RIF1: variants seen among roughly 807,000 people sequenced by gnomAD.
The protein encoded by RIF1 is telomere-associated protein RIF1.
Under a neutral mutation model 247.1 loss-of-function variants are expected in RIF1, and 45 were observed. The ratio of observed to expected loss-of-function variants is 0.18; its 90% CI spans 0.14 to 0.23. The LOEUF is 0.23. Ranked by LOEUF, RIF1 falls within the 10% of genes least tolerant of loss-of-function variation. The pLI is 1.00. For missense variants in RIF1, 2,967 were observed against 2,862.5 expected (o/e 1.04, Z -0.83); for synonymous variants, 1,087 against 978.8 (o/e 1.11, Z -2.06).
intron 4 of RIF1, 128 bp downstream of exon 4, chr2:151,415,047 C>T (rs1000460463): frequency 3.3e-5 from 21 of 629,414 alleles, no homozygotes; most frequent in Non-Finnish European, 5.1e-5. Flanking sequence ...TTAAGGTTTG[C>T]TTTTAAGAAA....
At position 151,475,292 on chromosome 2, in the gene RIF1, C is replaced by T. The variant is rs771563374; in HGVS notation, c.*221C>T. The T allele has an allele frequency of 1.1e-5, 5 of 472,552 alleles. No homozygotes were observed. The highest frequency in any genetic ancestry group is 4.0e-5 in the African/African-American group (2 of 49,508). 29.3% of individuals were successfully genotyped at this position (472,552 alleles called of 1,614,324 possible). A position where few individuals can be genotyped will look rare whatever the true frequency, so the allele number is the denominator to read the frequency against. ...ATAATATGTATTCTTGGCTGCTATG[C>T]GTGGTTTTTCAGGAAATTTAATTAT... is the stretch of plus-strand genomic sequence containing the variant. On this transcript the variant is annotated 3_prime_UTR_variant, in exon 36 of 36. Transcript: ENST00000444746.
chr2:151,506,315 C>A, exon 13 of RIF1: 1 of 1,333,434 alleles, frequency 7.5e-7, no homozygotes, highest in South Asian at 1.3e-5. Context: ...CCCAGCAGTT[C>A]CTGGAGAAAG....
intron 10 of RIF1, chr2:151,498,067 T>G: frequency 2.1e-6 from 3 of 1,457,368 alleles, no homozygotes; most frequent in Non-Finnish European, 2.7e-6. Context: ...AAAACATGTT[T>G]GTTTGTAAAT....
At chr2:151,433,840 G>T (rs181679419) in intron 10 of RIF1, among the ~76,000 whole-genome samples, 1 of 152,122 alleles carries the variant, frequency 6.6e-6, no homozygotes, top group Admixed American at 6.6e-5. Flanking sequence ...TTCCCCTAGA[G>T]CATTTGGAAT....
the RIF1 span, chr2:151,525,044 A>G: frequency 1.3e-6 from 1 of 790,086 alleles, no homozygotes; most frequent in South Asian, 1.6e-5. Flanking sequence ...TCTCGCCACT[A>G]ACTTTTTGAA....
chr2:151,465,857 G>A lies in RIF1; in HGVS notation c.6337G>A (p.Asp2113Asn), dbSNP rs1462432594. The change falls in exon 30 of 36, where the codon GAT (aspartate) becomes AAT (asparagine). Residue 2113 changes from aspartate to asparagine, a missense_variant. By Grantham distance (23) the Asp-to-Asn change is conservative. Coordinates refer to ENST00000444746, the MANE Select transcript of RIF1 (RefSeq NM_018151.5). ...AATGGAAAGTGATATTTTACAGGAA[G>A]ATCACCATACTTCACAGAAAGTGGA... The part of the protein sequence containing the change: ...MVMESDILQE[D>N]HHTSQKVEEP... 2 of 1,612,848 alleles carry A rather than the reference G, an allele frequency of 1.2e-6. No homozygotes were observed. The highest frequency in any genetic ancestry group is 1.7e-6 in the Non-Finnish European group (2 of 1,178,820).
rs1687298100 is a variant in RIF1, at chr2:151,416,862, C to G, written c.464C>G (p.Ser155Cys). The stretch of plus-strand genomic sequence containing the variant: ...CTGTTTAACAAAGGAGAGACGCATT[C>G]TGCTGTTGTTGATTTTGAAGCATTA... ...EILFNKGETH[S>C]AVVDFEALNV... is the part of the protein sequence containing the mutation. The change falls in exon 6 of 36, where the codon TCT becomes TGT. Residue 155 changes from serine to cysteine, a missense_variant. This residue lies in a region of RIF1 where 269 missense variants were observed against 288.6 expected (regional missense o/e 0.93). Transcript: ENST00000444746. The G allele has an allele frequency of 6.2e-7, 1 of 1,612,642 alleles. No individual in the cohort carries two copies. The highest frequency in any genetic ancestry group is 1.1e-5 in the South Asian group (1 of 90,882).
chr2:151,495,666 G>GAAC (rs35696429), intron 10 of RIF1, among the ~76,000 whole-genome samples: 5,981 of 150,500 alleles, frequency 0.04, 159 homozygotes, highest in Non-Finnish European at 0.062. Flanking sequence ...TAAAACTAAA[G>GAAC]AACAACAACA....
Position 151,442,767 on chromosome 2 carries a change from ATTT to A in RIF1, c.1735-470_1735-468del, listed in dbSNP as rs59128582. Among the ~76,000 whole-genome samples, 201 of 104,024 alleles carry A rather than the reference ATTT, an allele frequency of 1.9e-3. 3 individuals are homozygous for A. The highest frequency in any genetic ancestry group is 0.012 in the Middle Eastern group (2 of 162). The allele number at this position is 104,024 out of a possible 152,430, so 68.2% of individuals were successfully genotyped here. On this transcript the variant is annotated intron_variant, in intron 16 of 35. Transcript: ENST00000444746. ...CTATGATTAGACTATAAAGAGCTTGATTTTTTTTTTTTTTTTTTTTTTTTGAGA... is the reference window on the plus strand; with the variant it reads ...CTATGATTAGACTATAAAGAGCTTGATTTTTTTTTTTTTTTTTTTTTGAGA...
At chr2:151,517,458 G>T in the RIF1 span, among the ~76,000 whole-genome samples, 1 of 152,204 alleles carries the variant, frequency 6.6e-6, no homozygotes, top group East Asian at 1.9e-4. Context: ...TGCTGAATTT[G>T]TGATATAGGA....
chr2:151,418,968 C>CTTTT (rs36020810), intron 6 of RIF1, among the ~76,000 whole-genome samples: 1 of 111,772 alleles, frequency 8.9e-6, no homozygotes. Flanking sequence ...GCCTTAAATT[C>CTTTT]TTTTTTTTTT....
At chr2:151,519,652 A>G in the RIF1 span, 18 of 1,590,766 alleles carry the variant, frequency 1.1e-5, no homozygotes, top group Non-Finnish European at 1.6e-5. Context: ...AATTTTAGAA[A>G]CATACCTCAC....
Position 151,443,564 on chromosome 2 carries a change from T to C in RIF1, c.1841T>C (p.Val614Ala), listed in dbSNP as rs1381591276. The change falls in exon 18 of 36, where the codon GTT becomes GCT. Residue 614 changes from valine to alanine, a missense_variant. Transcript: ENST00000444746. ...FLSLESLVGC[V>A]LSGPTSPLAF... ...AGTTTGGAATCACTTGTAGGCTGTG[T>C]TCTTTCTGGTCCAACTTCACCACTA... is the stretch of plus-strand genomic sequence containing the variant. 7 of 1,607,970 alleles carry C rather than the reference T, an allele frequency of 4.4e-6. No individual in the cohort carries two copies. The African/African-American group carries it at 6.7e-5, about 15-fold the overall frequency.
rs781336109 is a variant in RIF1, at chr2:151,474,854, T to G, written c.7205-3T>G. ...TAATTGTGGTTTTTTTTTTCTCTTT[T>G]AGATATAATTGATCCTGTTGCTTTA... On this transcript the variant is annotated splice_region_variant and splice_polypyrimidine_tract_variant and intron_variant, in intron 35 of 35. Coordinates refer to ENST00000444746, the MANE Select transcript of RIF1 (RefSeq NM_018151.5). 1.6e-4 allele frequency: 234 copies of G among 1,467,784 alleles called. No individual in the cohort carries two copies. Among genetic ancestry groups the G allele is most frequent in the Non-Finnish European group, 2.2e-4 (230 of 1,054,640 alleles). 90.9% of individuals were successfully genotyped at this position (1,467,784 alleles called of 1,614,324 possible). A position where few individuals can be genotyped will look rare whatever the true frequency, so the allele number is the denominator to read the frequency against.
chr2:151,467,481 A>G (rs1363803179), intron 30 of RIF1, among the ~76,000 whole-genome samples: 1 of 151,990 alleles, frequency 6.6e-6, no homozygotes, highest in African/African-American at 2.4e-5. Context: ...AGTAGCTGGC[A>G]TTACAGGCAT....
chr2:151,437,252 C>A lies in RIF1; in HGVS notation c.1384C>A (p.His462Asn), dbSNP rs747048114. 6.2e-7 allele frequency: 1 copy of A among 1,610,006 alleles called. No homozygotes were observed. Among genetic ancestry groups the A allele is most frequent in the Non-Finnish European group, 8.5e-7 (1 of 1,176,330 alleles). ...TTCTTCCCTTTCAGAGCCATTGGAA[C>A]ATCCGTTAATCAGCAGCCCTTCCTT... ...KLVLSLEPLE[H>N]PLISSPSFFS... The change falls in exon 13 of 36, where the codon CAT becomes AAT. Residue 462 changes from histidine (H) to asparagine (N), a missense_variant. Transcript: ENST00000444746.
At chr2:151,447,886 A>G (rs1329529794) in intron 20 of RIF1, among the ~76,000 whole-genome samples, 1 of 151,964 alleles carries the variant, frequency 6.6e-6, no homozygotes, top group Non-Finnish European at 1.5e-5. Context: ...TCTATTATTT[A>G]TTACTGTGTA....
intron 9 of RIF1, chr2:151,490,393 C>A: frequency 1.9e-6 from 3 of 1,591,858 alleles, no homozygotes; most frequent in Non-Finnish European, 2.6e-6. Context: ...GCAAAGACAC[C>A]CCCGTCGCTG....
In RIF1 at chr2:151,430,840, G is replaced by A. The variant is rs186494678; in HGVS notation, c.925+1918G>A. On this transcript the variant is annotated intron_variant, in intron 9 of 35. Transcript: ENST00000444746. ...GGCTAATTTTTGTATTTTTTGTAGA[G>A]GCGGGATTTGACCACGTTGCCCGGG... Among the ~76,000 whole-genome samples, 264 of 152,148 alleles carry A rather than the reference G, an allele frequency of 1.7e-3. 2 individuals are homozygous for A. Among genetic ancestry groups the A allele is most frequent in the African/African-American group, 6.1e-3 (253 of 41,502 alleles).
Sources: gnomAD v4.1 joint callset for allele counts (sites outside exome capture counted in the v4.1 genomes callset) on GRCh38, gnomAD v4.1.1 for gene constraint, gnomAD v4.1.1 regional missense constraint, MANE v1.5 for transcripts, NCBI Gene and HGNC (gene_info 2026-07-23, HGNC 2026-07-21) for gene names.